Variants in CALN1 observed in about 807,000 individuals in gnomAD.
CALN1 encodes the protein calcium-binding protein 8.
Under a neutral mutation model 30.6 loss-of-function variants are expected in CALN1, and 17 were observed. That is an observed-to-expected ratio of 0.56 (90% CI 0.38 to 0.83). CALN1 has a LOEUF of 0.83. Among genes scored for constraint, CALN1 ranks in the 40% least tolerant of loss-of-function variants. CALN1 has a pLI of 0.00. For missense variants in CALN1, 291 were observed against 354.9 expected, an observed-to-expected ratio of 0.82 and a Z score of 1.45; for synonymous variants, 156 against 131.4, an observed-to-expected ratio of 1.19 and a Z score of -1.28.
chr7:72,311,413 T>C (rs184757804), intron 2 of CALN1, among the ~76,000 whole-genome samples: 207 of 152,254 alleles, frequency 1.4e-3, no homozygotes, highest in Non-Finnish European at 2.4e-3. Context: ...TGTGAATTTT[T>C]TACTGTGCAG....
chr7:72,013,494 C>A (rs1800209006), intron 5 of CALN1, among the ~76,000 whole-genome samples: 1 of 151,988 alleles, frequency 6.6e-6, no homozygotes, highest in African/African-American at 2.4e-5. Flanking sequence ...TCAACTGATC[C>A]TCCTGTCTTA....
intron 3 of CALN1, among the ~76,000 whole-genome samples, chr7:72,139,745 G>C (rs1197141578): frequency 2.0e-5 from 3 of 152,160 alleles, no homozygotes; most frequent in South Asian, 2.1e-4. Context: ...AGGAACCTCA[G>C]TGCTCTGCCC....
At chr7:72,426,310 T>G (rs1165714371) in intron 1 of CALN1, among the ~76,000 whole-genome samples, 1 of 152,186 alleles carries the variant, frequency 6.6e-6, no homozygotes, top group Non-Finnish European at 1.5e-5. Context: ...ATTTTAATCC[T>G]TAGGTGTTGA....
chr7:72,115,196 ATATT>A (rs1247246885), intron 3 of CALN1, among the ~76,000 whole-genome samples: 4 of 147,278 alleles, frequency 2.7e-5, no homozygotes, highest in African/African-American at 9.9e-5. Context: ...ACAATTATAT[ATATT>A]AATGTATAAT....
At chr7:72,192,285 C>T (rs145053121) in intron 3 of CALN1, among the ~76,000 whole-genome samples, 21 of 152,274 alleles carry the variant, frequency 1.4e-4, no homozygotes, top group African/African-American at 5.1e-4. Context: ...CATCTGTGTC[C>T]CTCTGCTTCC....
At chr7:72,116,468 G>A (rs887291568) in intron 3 of CALN1, among the ~76,000 whole-genome samples, 1 of 152,198 alleles carries the variant, frequency 6.6e-6, no homozygotes, top group Non-Finnish European at 1.5e-5. Context: ...GAGATTTAGA[G>A]GCTGAGAGAG....
intron 3 of CALN1, among the ~76,000 whole-genome samples, chr7:72,247,430 G>C (rs750235042): frequency 8.6e-5 from 13 of 151,182 alleles, no homozygotes; most frequent in Non-Finnish European, 1.9e-4. Context: ...TGTATTTTTA[G>C]TAGAGACGGG....
intron 5 of CALN1, among the ~76,000 whole-genome samples, chr7:71,979,091 C>T (rs2129527013): frequency 6.6e-6 from 1 of 152,150 alleles, no homozygotes; most frequent in East Asian, 1.9e-4. Context: ...GCCTACTGCC[C>T]CTTAGCTAAG....
At chr7:72,203,979 C>CTATTTTTTTTTTTTTTTTTTTTTTTTTT (rs59798860) in intron 3 of CALN1, among the ~76,000 whole-genome samples, 1 of 83,778 alleles carries the variant, frequency 1.2e-5, no homozygotes. Context: ...AGGCCTCTCT[C>CTATTTTTTTTTTTTTTTTTTTTTTTTTT]TTTTTTTTTT....
chr7:71,867,198 G>A (rs1278316946), intron 5 of CALN1, among the ~76,000 whole-genome samples: 1 of 151,646 alleles, frequency 6.6e-6, no homozygotes, highest in East Asian at 1.9e-4. Context: ...GATAGAGTAT[G>A]ATCTGGAATG....
At chr7:72,331,210 C>T (rs1208195172) in intron 2 of CALN1, among the ~76,000 whole-genome samples, 1 of 152,082 alleles carries the variant, frequency 6.6e-6, no homozygotes, top group African/African-American at 2.4e-5. Context: ...ATTAGCCGGG[C>T]ATGGTGGCGG....
At chr7:71,796,610 G>A (rs12699088) in intron 6 of CALN1, among the ~76,000 whole-genome samples, 26,846 of 151,854 alleles carry the variant, frequency 0.18, 3,350 homozygotes, top group East Asian at 0.62. Context: ...CACCTGCCTC[G>A]GCCTCCCAAA....
intron 3 of CALN1, among the ~76,000 whole-genome samples, chr7:72,247,397 G>A (rs1795263231): frequency 6.6e-6 from 1 of 151,066 alleles, no homozygotes; most frequent in Non-Finnish European, 1.5e-5. Flanking sequence ...ACAGGTGCCC[G>A]CCACCACGCC....
chr7:72,396,514 C>A (rs569050184), intron 2 of CALN1, among the ~76,000 whole-genome samples: 1 of 151,250 alleles, frequency 6.6e-6, no homozygotes, highest in Non-Finnish European at 1.5e-5. Flanking sequence ...GTGAATAGGA[C>A]GGAGGAGGTA....
intron 3 of CALN1, among the ~76,000 whole-genome samples, chr7:72,108,343 T>A (rs542511575): frequency 6.6e-6 from 1 of 152,244 alleles, no homozygotes; most frequent in South Asian, 2.1e-4. Flanking sequence ...TTCTGTAAGA[T>A]AGCATTTATA....
chr7:71,836,532 C>T (rs995314591), intron 5 of CALN1, among the ~76,000 whole-genome samples: 2 of 152,106 alleles, frequency 1.3e-5, no homozygotes, highest in Non-Finnish European at 2.9e-5. Context: ...ATCTGTATTC[C>T]ATGCTCTCTG....
chr7:71,843,569 G>A (rs1233895737), intron 5 of CALN1, among the ~76,000 whole-genome samples: 5 of 152,134 alleles, frequency 3.3e-5, no homozygotes, highest in Non-Finnish European at 7.4e-5. Flanking sequence ...GCTGCTGTGA[G>A]CTATGATTGT....
chr7:72,503,746 C>T, the CALN1 span, among the ~76,000 whole-genome samples: 1 of 152,086 alleles, frequency 6.6e-6, no homozygotes, highest in African/African-American at 2.4e-5. Context: ...CACCTGGACT[C>T]AAATCCCAAA....
chr7:72,348,508 T>G (rs951146341), intron 2 of CALN1, among the ~76,000 whole-genome samples: 1 of 152,224 alleles, frequency 6.6e-6, no homozygotes. Context: ...ACGATTTAAG[T>G]TCCTAGTTGA....
Sources: gnomAD v4.1 joint callset for allele counts (sites outside exome capture counted in the v4.1 genomes callset) on GRCh38, gnomAD v4.1.1 for gene constraint, MANE v1.5 for transcripts, NCBI Gene and HGNC (gene_info 2026-07-23, HGNC 2026-07-21) for gene names.